CNTN4: variants seen among roughly 807,000 people sequenced by gnomAD.
CNTN4 encodes the protein contactin-4.
CNTN4 carries 77 observed loss-of-function variants against 122.5 expected under a neutral mutation model. The observed-to-expected ratio is 0.63, with a 90% CI of 0.52 to 0.76. The LOEUF is 0.76. Among genes scored for constraint, CNTN4 ranks in the 30% least tolerant of loss-of-function variants. The probability of loss-of-function intolerance (pLI) is 0.00; values close to 1 mark genes in which losing one functional copy is unlikely to be tolerated. For synonymous variants in CNTN4, 512 were observed against 447.0 expected (o/e 1.15, Z -1.83); for missense variants, 1,256 against 1,259.1 (o/e 1.00, Z 0.04).
chr3:2,413,993 T>C (rs2047321027), intron 3 of CNTN4, among the ~76,000 whole-genome samples: 1 of 152,232 alleles, frequency 6.6e-6, no homozygotes, highest in Admixed American at 6.5e-5. Context: ...AGAGTCTATA[T>C]TGGTGCCATT....
At chr3:2,770,744 C>T (rs777128909) in intron 6 of CNTN4, among the ~76,000 whole-genome samples, 2 of 152,164 alleles carry the variant, frequency 1.3e-5, no homozygotes, top group Non-Finnish European at 2.9e-5. Flanking sequence ...GAAAAGCTGA[C>T]GCAGTGGGAA....
At chr3:2,569,235 A>G (rs2079313887) in intron 3 of CNTN4, among the ~76,000 whole-genome samples, 1 of 152,216 alleles carries the variant, frequency 6.6e-6, no homozygotes, top group Non-Finnish European at 1.5e-5. Flanking sequence ...CGAGTTCTCT[A>G]ATGATGCTTG....
At chr3:2,352,868 A>G (rs1346207329) in intron 3 of CNTN4, among the ~76,000 whole-genome samples, 1 of 152,196 alleles carries the variant, frequency 6.6e-6, no homozygotes, top group African/African-American at 2.4e-5. Flanking sequence ...TTTTATGTCT[A>G]GCTGGAGGAT....
intron 2 of CNTN4, among the ~76,000 whole-genome samples, chr3:2,147,375 A>T (rs1042585294): frequency 5.3e-5 from 8 of 152,198 alleles, no homozygotes; most frequent in African/African-American, 9.7e-5. Flanking sequence ...CAAATTAAAA[A>T]TAGCAAAAAA....
At chr3:2,674,785 A>C (rs533185331) in intron 4 of CNTN4, among the ~76,000 whole-genome samples, 2,448 of 152,106 alleles carry the variant, frequency 0.016, 61 homozygotes, top group African/African-American at 0.052. Flanking sequence ...AAAAACAAAA[A>C]AAAAAAAAAC....
intron 4 of CNTN4, among the ~76,000 whole-genome samples, chr3:2,665,198 G>A (rs1434160289): frequency 1.3e-5 from 2 of 152,240 alleles, no homozygotes; most frequent in East Asian, 1.9e-4. Flanking sequence ...TAATTCAGAT[G>A]GTCTTGCATC....
intron 4 of CNTN4, among the ~76,000 whole-genome samples, chr3:2,675,908 C>G (rs373869811): frequency 2.0e-5 from 3 of 152,144 alleles, no homozygotes; most frequent in African/African-American, 7.2e-5. Context: ...TATCCTCCTT[C>G]TACCAACAAG....
At chr3:2,893,684 AG>A (rs2094071997) in intron 10 of CNTN4, among the ~76,000 whole-genome samples, 1 of 152,212 alleles carries the variant, frequency 6.6e-6, no homozygotes, top group African/African-American at 2.4e-5. Context: ...AGTCATATCA[AG>A]GACAATATAT....
At chr3:2,677,496 A>ATCTATCTG (rs1159579713) in intron 4 of CNTN4, among the ~76,000 whole-genome samples, 2 of 99,394 alleles carry the variant, frequency 2.0e-5, no homozygotes, top group Non-Finnish European at 4.3e-5. Flanking sequence ...CTATCTATCT[A>ATCTATCTG]TCTATCTATC....
chr3:2,560,145 C>CTTT (rs567883588), intron 3 of CNTN4, among the ~76,000 whole-genome samples: 9 of 144,440 alleles, frequency 6.2e-5, no homozygotes, highest in Middle Eastern at 3.5e-3. Flanking sequence ...TTTTCTTTTT[C>CTTT]TTTTTTTTTT....
intron 12 of CNTN4, among the ~76,000 whole-genome samples, chr3:2,922,578 T>C (rs901251271): frequency 6.6e-6 from 1 of 150,906 alleles, no homozygotes; most frequent in East Asian, 2.0e-4. Context: ...GCTAATTAAG[T>C]AAATTGAGTT....
At chr3:2,895,699 GTT>G (rs1465718300) in intron 10 of CNTN4, among the ~76,000 whole-genome samples, 11 of 152,348 alleles carry the variant, frequency 7.2e-5, no homozygotes, top group African/African-American at 2.6e-4. Flanking sequence ...AATCCTGTTG[GTT>G]TAAGAGACAA....
At chr3:2,392,924 C>T (rs1355043018) in intron 3 of CNTN4, among the ~76,000 whole-genome samples, 1 of 152,156 alleles carries the variant, frequency 6.6e-6, no homozygotes, top group East Asian at 1.9e-4. Flanking sequence ...CTTTCTGGAA[C>T]TCTTGACTTC....
intron 4 of CNTN4, among the ~76,000 whole-genome samples, chr3:2,588,135 C>T (rs1395315190): frequency 6.6e-6 from 1 of 151,808 alleles, no homozygotes; most frequent in Non-Finnish European, 1.5e-5. Flanking sequence ...TAAAAAGTAG[C>T]CGTAAAGATA....
At chr3:2,681,375 A>C (rs983739005) in intron 4 of CNTN4, among the ~76,000 whole-genome samples, 8 of 152,108 alleles carry the variant, frequency 5.3e-5, no homozygotes, top group African/African-American at 1.7e-4. Flanking sequence ...GCAGCGTGTG[A>C]TCTCACCAGC....
intron 6 of CNTN4, among the ~76,000 whole-genome samples, chr3:2,773,140 A>T (rs2091176717): frequency 6.6e-6 from 1 of 152,016 alleles, no homozygotes; most frequent in Non-Finnish European, 1.5e-5. Context: ...GGGGGGTTGC[A>T]GAGTAAATGG....
intron 5 of CNTN4, among the ~76,000 whole-genome samples, 194 bp downstream of exon 5, chr3:2,736,535 C>T (rs1456810368): frequency 6.6e-6 from 1 of 151,568 alleles, no homozygotes; most frequent in Middle Eastern, 3.2e-3. Flanking sequence ...GTGATCTCAG[C>T]TCACCACAAC....
At chr3:2,734,369 C>T (rs1415688004) in intron 4 of CNTN4, among the ~76,000 whole-genome samples, 2 of 152,292 alleles carry the variant, frequency 1.3e-5, no homozygotes, top group African/African-American at 4.8e-5. Flanking sequence ...GCCTGTTTTC[C>T]CATTTTTAAC....
intron 3 of CNTN4, among the ~76,000 whole-genome samples, chr3:2,361,799 A>C (rs2150550208): frequency 6.6e-6 from 1 of 152,322 alleles, no homozygotes; most frequent in Admixed American, 6.5e-5. Context: ...CAGTGAGCTT[A>C]TTGATAGGCC....
Sources: gnomAD v4.1 joint callset for allele counts (sites outside exome capture counted in the v4.1 genomes callset) on GRCh38, gnomAD v4.1.1 for gene constraint, MANE v1.5 for transcripts, NCBI Gene and HGNC (gene_info 2026-07-23, HGNC 2026-07-21) for gene names.